Variants in CSMD1 observed in about 807,000 individuals in gnomAD.
CSMD1 encodes CUB and Sushi multiple domains 1.
A neutral mutation model predicts 417.5 loss-of-function variants in CSMD1; 213 were observed. That is an observed-to-expected ratio of 0.51 (90% CI 0.46 to 0.57). The LOEUF is 0.57. CSMD1 is among the 20% of genes least tolerant of loss of function. The probability of loss-of-function intolerance (pLI) is 0.00; values close to 1 mark genes in which losing one functional copy is unlikely to be tolerated. For missense variants in CSMD1, 6,923 were observed against 4,529.7 expected (o/e 1.53, Z -15.17); for synonymous variants, 2,862 against 1,736.8 (o/e 1.65, Z -16.11).
chr8:4,306,350 G>A (rs540062201), intron 3 of CSMD1, among the ~76,000 whole-genome samples: 2 of 152,190 alleles, frequency 1.3e-5, no homozygotes, highest in African/African-American at 2.4e-5. Flanking sequence ...ACTCCTTTAT[G>A]TGACTAATCA....
chr8:4,365,037 C>T (rs533057847), intron 3 of CSMD1, among the ~76,000 whole-genome samples: 1 of 152,194 alleles, frequency 6.6e-6, no homozygotes, highest in Admixed American at 6.5e-5. Context: ...AATATGTTCT[C>T]TTTCAATTGT....
At position 4,705,253 on chromosome 8, in the gene CSMD1, TA is replaced by T. The variant is rs1177848853; in HGVS notation, c.86-67696del. ...CTTTTAAAAATTTCCCAGTCTCTGG[TA>T]TTTTTTTTATAGCAGTGTGAAAATT... On this transcript the variant is annotated intron_variant, in intron 1 of 69. Coordinates refer to ENST00000635120, the MANE Select transcript of CSMD1 (RefSeq NM_033225.6). 1.3e-5 allele frequency among the ~76,000 whole-genome samples: 2 copies of T among 152,168 alleles called. 1 individual carries two copies. The highest frequency in any genetic ancestry group is 2.9e-5 in the Non-Finnish European group (2 of 68,028).
chr8:3,857,886 G>A (rs1804425102), intron 5 of CSMD1, among the ~76,000 whole-genome samples: 1 of 152,196 alleles, frequency 6.6e-6, no homozygotes, highest in South Asian at 2.1e-4. Context: ...TATGTAACAG[G>A]GATTGCTTCC....
intron 10 of CSMD1, among the ~76,000 whole-genome samples, chr8:3,566,480 C>T (rs531476485): frequency 2.0e-3 from 297 of 152,202 alleles, no homozygotes; most frequent in African/African-American, 6.7e-3. Flanking sequence ...TCCACCAGCC[C>T]CTCCTGGTGT....
At chr8:4,304,208 G>T (rs1910715) in intron 3 of CSMD1, among the ~76,000 whole-genome samples, 151,512 of 152,326 alleles carry the variant, frequency 0.99, 75,354 homozygotes, top group Middle Eastern at 1. Context: ...TTGATGAAAA[G>T]AGATTTAAAG....
intron 5 of CSMD1, among the ~76,000 whole-genome samples, chr8:3,964,092 C>T (rs953740690): frequency 2.0e-5 from 3 of 152,060 alleles, no homozygotes; most frequent in African/African-American, 2.4e-5. Flanking sequence ...TTTTTGTCAA[C>T]AGTAAAAAGA....
At chr8:4,290,202 G>T (rs955988152) in intron 3 of CSMD1, among the ~76,000 whole-genome samples, 1 of 152,154 alleles carries the variant, frequency 6.6e-6, no homozygotes, top group African/African-American at 2.4e-5. Context: ...TCAGTCAAAG[G>T]AAACACACTT....
intron 30 of CSMD1, among the ~76,000 whole-genome samples, chr8:3,206,493 TGG>T (rs1797284225): frequency 3.0e-5 from 4 of 131,464 alleles, no homozygotes; most frequent in Admixed American, 7.9e-5. Flanking sequence ...TATGTGTGTG[TGG>T]GTGTATGTGT....
At chr8:3,135,907 G>C (rs377506513) in intron 41 of CSMD1, among the ~76,000 whole-genome samples, 2 of 152,112 alleles carry the variant, frequency 1.3e-5, no homozygotes, top group East Asian at 1.9e-4. Flanking sequence ...ATGTGTATTA[G>C]GGCAGAAAAA....
intron 2 of CSMD1, among the ~76,000 whole-genome samples, chr8:4,519,890 C>T (rs1803342978): frequency 6.7e-6 from 1 of 149,194 alleles, no homozygotes; most frequent in Non-Finnish European, 1.5e-5. Flanking sequence ...AAGTGAATTC[C>T]AAACAGTAAT....
chr8:3,736,589 G>A (rs761236151), intron 6 of CSMD1, among the ~76,000 whole-genome samples: 2 of 152,106 alleles, frequency 1.3e-5, no homozygotes, highest in African/African-American at 2.4e-5. Flanking sequence ...TGGCTCCCAG[G>A]CCCTGGCTCC....
intron 1 of CSMD1, among the ~76,000 whole-genome samples, chr8:4,960,225 T>C (rs1171810894): frequency 6.6e-6 from 1 of 152,192 alleles, no homozygotes; most frequent in African/African-American, 2.4e-5. Context: ...ACTCAGAAGA[T>C]GAAATACAAA....
intron 25 of CSMD1, among the ~76,000 whole-genome samples, chr8:3,305,294 C>A (rs1454582645): frequency 6.6e-6 from 1 of 151,840 alleles, no homozygotes; most frequent in African/African-American, 2.4e-5. Flanking sequence ...CAATAATCAT[C>A]AAATTAATCA....
chr8:3,067,469 T>C (rs538354376), intron 49 of CSMD1, among the ~76,000 whole-genome samples: 33 of 152,158 alleles, frequency 2.2e-4, no homozygotes, highest in African/African-American at 7.5e-4. Flanking sequence ...AGCAGAAACA[T>C]TGAATGATTT....
chr8:3,517,474 G>C (rs1260966289), intron 10 of CSMD1, among the ~76,000 whole-genome samples: 1 of 152,136 alleles, frequency 6.6e-6, no homozygotes, highest in Non-Finnish European at 1.5e-5. Flanking sequence ...GAAATTTGCA[G>C]GTAAAGATAG....
At chr8:4,858,537 T>A (rs1234768728) in intron 1 of CSMD1, among the ~76,000 whole-genome samples, 1 of 152,006 alleles carries the variant, frequency 6.6e-6, no homozygotes, top group East Asian at 1.9e-4. Context: ...GCCCAAAATC[T>A]CCTTAAGCTG....
intron 3 of CSMD1, among the ~76,000 whole-genome samples, chr8:4,407,523 A>C (rs1231512192): frequency 6.6e-6 from 1 of 152,186 alleles, no homozygotes; most frequent in Non-Finnish European, 1.5e-5. Context: ...ACAGTGTTTA[A>C]ATTCAGAGTA....
chr8:3,364,925 A>T (rs1809454101), intron 20 of CSMD1, among the ~76,000 whole-genome samples: 1 of 152,254 alleles, frequency 6.6e-6, no homozygotes, highest in Non-Finnish European at 1.5e-5. Context: ...GCACCAGAAT[A>T]AGAAACTGAT....
chr8:4,937,372 T>C (rs1004402364), intron 1 of CSMD1, among the ~76,000 whole-genome samples: 1 of 152,214 alleles, frequency 6.6e-6, no homozygotes, highest in East Asian at 1.9e-4. Flanking sequence ...TGGGACTTGA[T>C]GTAGTGTATT....
Sources: allele counts gnomAD v4.1 joint callset (sites outside exome capture counted in the v4.1 genomes callset), GRCh38; gene constraint gnomAD v4.1.1; transcripts MANE v1.5; gene names NCBI Gene and HGNC (gene_info 2026-07-23, HGNC 2026-07-21).